Variants in COL20A1 observed in about 807,000 individuals in gnomAD.
The protein encoded by COL20A1 is collagen alpha-1(XX) chain.
Under a neutral mutation model 152.9 loss-of-function variants are expected in COL20A1, and 164 were observed. The observed-to-expected ratio is 1.07, with a 90% confidence interval of 0.94 to 1.22. The LOEUF is 1.22. COL20A1 is among the 50% of genes most tolerant of loss of function. The probability of loss-of-function intolerance (pLI) is 0.00; values close to 1 mark genes in which losing one functional copy is unlikely to be tolerated. For missense variants in COL20A1, 1,873 were observed against 1,744.8 expected, an observed-to-expected ratio of 1.07 and a Z score of -1.31; for synonymous variants, 864 against 756.0, an observed-to-expected ratio of 1.14 and a Z score of -2.34.
At chr20:63,302,842 T>C (rs968969712) in intron 3 of COL20A1, among the ~76,000 whole-genome samples, 4 of 152,230 alleles carry the variant, frequency 2.6e-5, no homozygotes, top group African/African-American at 9.6e-5. Flanking sequence ...TTTAGCTCGC[T>C]CCTTCGTCTC....
intron 3 of COL20A1, among the ~76,000 whole-genome samples, chr20:63,301,051 A>G (rs2123378416): frequency 6.6e-6 from 1 of 152,322 alleles, no homozygotes; most frequent in Middle Eastern, 3.4e-3. Flanking sequence ...GTGGTGGCTC[A>G]CGCCTATAAT....
At chr20:63,307,398 C>T in intron 5 of COL20A1, 92 bp from the exon 6 acceptor site, 2 of 1,280,088 alleles carry the variant, frequency 1.6e-6, no homozygotes, top group Non-Finnish European at 1.1e-6. Flanking sequence ...GCCTGCCTCA[C>T]TCTTGTGGCT....
chr20:63,298,836 G>A (rs1302729477), intron 3 of COL20A1, among the ~76,000 whole-genome samples: 5 of 152,186 alleles, frequency 3.3e-5, no homozygotes, highest in Admixed American at 3.3e-4. Context: ...AAGCACACAG[G>A]CATAAATGCT....
chr20:63,293,874 G>A (rs2067747570), intron 1 of COL20A1, among the ~76,000 whole-genome samples: 1 of 142,434 alleles, frequency 7.0e-6, no homozygotes, highest in South Asian at 2.3e-4. Context: ...ACACTGGGAG[G>A]GGGCGTGTAT....
rs373527581 is a variant in COL20A1 at position 63,330,373 on chromosome 20, G to A, written c.*4-347G>A. On this transcript the variant is annotated intron_variant, in intron 35 of 35. Transcript: ENST00000358894. ...CTAGGGGACTCGGCAGGGGCTAGGA[G>A]GGCTGAGGAGCACAGGCAGGAGACC... is the stretch of plus-strand genomic sequence containing the variant. Among the ~76,000 whole-genome samples, 30 of 152,272 alleles carry A rather than the reference G, an allele frequency of 2.0e-4. 1 individual carries two copies. In the South Asian group the frequency reaches 4.4e-3, roughly 22 times the overall value.
chr20:63,311,333 C>G lies in COL20A1; in HGVS notation c.1394-61C>G. On this transcript the variant is annotated intron_variant, in intron 11 of 35. Coordinates refer to ENST00000358894, the MANE Select transcript of COL20A1 (RefSeq NM_020882.4). The surrounding 1 kb of genome is among the most constrained non-coding windows in gnomAD (Gnocchi z 4.4). The stretch of plus-strand genomic sequence containing the variant: ...CACCCACTCTGGTGTGAGGGTGCCC[C>G]GTGCGTGGGTGTGATCTCTGTGTGG... 1 of 1,479,414 alleles carries G rather than the reference C, an allele frequency of 6.8e-7. No homozygotes were observed. The highest frequency in any genetic ancestry group is 9.0e-7 in the Non-Finnish European group (1 of 1,109,878). The allele number at this position is 1,479,414 out of a possible 1,614,324, so 91.6% of individuals were successfully genotyped here.
In COL20A1 at chr20:63,309,769, GC is replaced by G. The variant is rs757779465; in HGVS notation, c.1120del (p.Leu374TrpfsTer12). 1.3e-6 allele frequency: 2 copies of G among 1,585,656 alleles called. No homozygotes were observed. Among genetic ancestry groups the G allele is most frequent in the Admixed American group, 3.5e-5 (2 of 56,602 alleles). Reference sequence around the variant, plus strand: ...CGCTACTCCAGCAGCAGCGGCTCCAGCCCTGGACACCCTCCCTGCCCCCACC... The same window carrying G: ...CGCTACTCCAGCAGCAGCGGCTCCAGCCTGGACACCCTCCCTGCCCCCACC... ...SPRQGPAAAP[A>X]LDTLPAPTSL... On this transcript the variant is annotated frameshift_variant, in exon 10 of 36. Coordinates refer to ENST00000358894, the MANE Select transcript of COL20A1 (RefSeq NM_020882.4). LOFTEE classifies it high-confidence loss of function.
Position 63,311,564 on chromosome 20 carries a change from G to C in COL20A1, c.1539+25G>C. 6.2e-7 allele frequency: 1 copy of C among 1,607,972 alleles called. No individual in the cohort carries two copies. On this transcript the variant is annotated intron_variant, in intron 12 of 35. Transcript: ENST00000358894. This position sits in a 1 kb window ranked among gnomAD's most constrained non-coding sequence, Gnocchi z 4.4. ...GGTGAGCTGGGCCGGGGGGTGGCGG[G>C]GGAGGCAGAGGAGTGGGGCAGAGCG...
At chr20:63,328,232 A>G in intron 33 of COL20A1, 99 bp from the exon 34 acceptor site, 1 of 1,551,022 alleles carries the variant, frequency 6.4e-7, no homozygotes, top group Non-Finnish European at 8.8e-7. Context: ...GCCTTCACCC[A>G]TCGTTAGCAC....
At chr20:63,307,460 C>T (rs1568769671) in intron 5 of COL20A1, 30 bp from the exon 6 acceptor site, 1 of 1,599,292 alleles carries the variant, frequency 6.3e-7, no homozygotes, top group Non-Finnish European at 8.5e-7. Context: ...TGGGCCTCAC[C>T]TAGCACCTGA....
rs962250078 is a variant in COL20A1, at chr20:63,330,916, C to G, written c.*200C>G. 6.6e-6 allele frequency: 1 copy of G among 152,322 alleles called. No individual in the cohort carries two copies. Among genetic ancestry groups the G allele is most frequent in the Non-Finnish European group, 1.5e-5 (1 of 68,102 alleles). The allele number at this position is 152,322 out of a possible 1,614,324, so 9.4% of individuals were successfully genotyped here. A position where few individuals can be genotyped will look rare whatever the true frequency, so the allele number is the denominator to read the frequency against. ...TGTAGCATTTCCAAGTTCAGATAAACCCCTGAGTGCTCACCCAGCCAAGCG... is the reference window on the plus strand; with the variant it reads ...TGTAGCATTTCCAAGTTCAGATAAAGCCCTGAGTGCTCACCCAGCCAAGCG... On this transcript the variant is annotated 3_prime_UTR_variant, in exon 36 of 36. Transcript: ENST00000358894.
chr20:63,299,057 T>C (rs1381445765), intron 3 of COL20A1, among the ~76,000 whole-genome samples: 3 of 152,244 alleles, frequency 2.0e-5, no homozygotes, highest in African/African-American at 7.2e-5. Context: ...GTGTCTTTGG[T>C]GGGCATTTTG....
chr20:63,314,930 C>T (rs1464786350), intron 19 of COL20A1, among the ~76,000 whole-genome samples: 2 of 151,242 alleles, frequency 1.3e-5, no homozygotes, highest in Admixed American at 6.6e-5. Context: ...TGCGTGTCCC[C>T]AGCCTCTCCT....
chr20:63,329,887 G>A (rs901498933), intron 35 of COL20A1, among the ~76,000 whole-genome samples: 1 of 152,188 alleles, frequency 6.6e-6, no homozygotes, highest in African/African-American at 2.4e-5. Flanking sequence ...ACAGGGCGTG[G>A]GGTCACAGGA....
chr20:63,321,438 G>A (rs376463583), intron 26 of COL20A1, among the ~76,000 whole-genome samples: 2 of 152,200 alleles, frequency 1.3e-5, no homozygotes, highest in Non-Finnish European at 2.9e-5. Flanking sequence ...CTCCTCTGGC[G>A]TGGAATCCAG....
intron 1 of COL20A1, among the ~76,000 whole-genome samples, chr20:63,293,635 T>G (rs901012105): frequency 1.2e-4 from 19 of 152,034 alleles, no homozygotes; most frequent in Admixed American, 4.6e-4. Context: ...GTTTCTGGGG[T>G]GGGAGGATCC....
chr20:63,328,941 T>G (rs2068295616), intron 34 of COL20A1, among the ~76,000 whole-genome samples: 1 of 152,028 alleles, frequency 6.6e-6, no homozygotes, highest in African/African-American at 2.4e-5. Context: ...TTGGTGCTCC[T>G]CCTCCTCTGA....
chr20:63,325,143 G>A (rs541142353), intron 27 of COL20A1: 4 of 548,252 alleles, frequency 7.3e-6, no homozygotes, highest in East Asian at 6.9e-5. Flanking sequence ...TTTAATGGAG[G>A]TGTCTCCATG....
At chr20:63,326,020 G>C in intron 29 of COL20A1, 76 bp from the exon 30 acceptor site, 4 of 1,319,268 alleles carry the variant, frequency 3.0e-6, no homozygotes, top group Non-Finnish European at 4.4e-6. Context: ...GTTGGGTGCT[G>C]CTGGGGGGCT....
Sources: gnomAD v4.1 joint callset for allele counts (sites outside exome capture counted in the v4.1 genomes callset) on GRCh38, gnomAD v4.1.1 for gene constraint, Gnocchi (gnomAD v3.1) non-coding constraint, MANE v1.5 for transcripts, NCBI Gene and HGNC (gene_info 2026-07-23, HGNC 2026-07-21) for gene names.